GSE1: variants seen among roughly 807,000 people sequenced by gnomAD.
GSE1 encodes the protein Gse1 coiled-coil protein.
Under a neutral mutation model 112.6 loss-of-function variants are expected in GSE1, and 32 were observed. The observed-to-expected ratio is 0.28, with a 90% CI of 0.21 to 0.38. The LOEUF is 0.38. GSE1 is among the 10% of genes least tolerant of loss of function. The pLI is 1.00. For missense variants in GSE1, 2,348 were observed against 1,699.2 expected, an observed-to-expected ratio of 1.38 and a Z score of -6.71; for synonymous variants, 1,115 against 735.6, an observed-to-expected ratio of 1.52 and a Z score of -8.35.
At chr16:85,357,076 G>T (rs1299336028) in intron 1 of GSE1, among the ~76,000 whole-genome samples, 1 of 152,222 alleles carries the variant, frequency 6.6e-6, no homozygotes, top group Non-Finnish European at 1.5e-5. Context: ...ACCGCCAGGG[G>T]ACAGGACAAG....
chr16:85,589,592 T>C (rs896980997), intron 1 of GSE1, among the ~76,000 whole-genome samples: 1 of 152,192 alleles, frequency 6.6e-6, no homozygotes, highest in Non-Finnish European at 1.5e-5. Context: ...TGCCTGAGCA[T>C]GTGTGACCCA....
chr16:85,253,052 G>C (rs1597196425), intron 1 of GSE1, among the ~76,000 whole-genome samples: 13 of 52,400 alleles, frequency 2.5e-4, no homozygotes, highest in South Asian at 9.2e-4. Context: ...GCTCATAGGC[G>C]CCCCCGCCCC....
At chr16:85,640,451 TGTGCCGC>T (rs2050348665) in intron 2 of GSE1, among the ~76,000 whole-genome samples, 1 of 152,218 alleles carries the variant, frequency 6.6e-6, no homozygotes, top group Admixed American at 6.5e-5. Context: ...CGCGGGGCCC[TGTGCCGC>T]CTTCCCCTGG....
intron 2 of GSE1, among the ~76,000 whole-genome samples, chr16:85,645,161 C>G (rs2050750306): frequency 6.6e-6 from 1 of 151,672 alleles, no homozygotes; most frequent in Non-Finnish European, 1.5e-5. Flanking sequence ...TGGTGGAGTT[C>G]TCAGGGTGTG....
At position 85,404,303 on chromosome 16, in the gene GSE1, C is replaced by T. The variant is rs1461090741; in HGVS notation, c.2464+46660C>T. On this transcript the variant is annotated intron_variant, in intron 2 of 2. Coordinates refer to the GSE1 transcript ENST00000637419. ...TTCTCACTGTTACACTCAGGCCCCC[C>T]GGATAATCCTCACTCTTACACTCAG... 4.2e-5 allele frequency among the ~76,000 whole-genome samples: 3 copies of T among 71,402 alleles called. 1 individual carries two copies. The highest frequency in any genetic ancestry group is 8.6e-5 in the Non-Finnish European group (3 of 35,016). 46.8% of individuals were successfully genotyped at this position (71,402 alleles called of 152,430 possible).
At chr16:85,610,582 G>A (rs986926846), upstream of GSE1, among the ~76,000 whole-genome samples, 2 of 152,238 alleles carry the variant, frequency 1.3e-5, no homozygotes, top group East Asian at 1.9e-4. Context: ...TCCGGGGGCC[G>A]GGCGCACTGA....
chr16:85,366,043 CT>C (rs1325457989), intron 2 of GSE1, among the ~76,000 whole-genome samples: 1 of 152,258 alleles, frequency 6.6e-6, no homozygotes, highest in African/African-American at 2.4e-5. Context: ...ACCAGAAACC[CT>C]GGCCCTGGGA....
At chr16:85,339,364 G>C (rs887560100) in intron 1 of GSE1, among the ~76,000 whole-genome samples, 1 of 152,246 alleles carries the variant, frequency 6.6e-6, no homozygotes, top group Non-Finnish European at 1.5e-5. Flanking sequence ...CGCTCCAGCC[G>C]TGATTTCTCC....
chr16:85,284,908 A>G (rs2044972713), intron 1 of GSE1: 1 of 152,254 alleles, frequency 6.6e-6, no homozygotes, highest in Non-Finnish European at 1.5e-5. Context: ...ATCACAGACC[A>G]GAATTTGAAC....
intron 1 of GSE1, among the ~76,000 whole-genome samples, chr16:85,236,048 G>GGCTGGGGCTGGGGCTGGT (rs1308704768): frequency 5.9e-5 from 9 of 152,028 alleles, no homozygotes; most frequent in African/African-American, 2.2e-4. Context: ...CTGGGGCTGG[G>GGCTGGGGCTGGGGCTGGT]GCTGGTGCCG....
chr16:85,485,939 C>A (rs61328601), intron 2 of GSE1, among the ~76,000 whole-genome samples: 1 of 152,216 alleles, frequency 6.6e-6, no homozygotes, highest in Admixed American at 6.5e-5. Context: ...GGCCCTGAGG[C>A]CATGAGCCTG....
intron 2 of GSE1, among the ~76,000 whole-genome samples, chr16:85,495,289 G>C (rs1011676604): frequency 3.3e-5 from 5 of 152,040 alleles, no homozygotes; most frequent in African/African-American, 1.2e-4. Context: ...GTGTGGGGGC[G>C]AGGAGGGAGC....
At chr16:85,563,078 AG>A (rs1181951425) in intron 1 of GSE1, among the ~76,000 whole-genome samples, 1 of 152,220 alleles carries the variant, frequency 6.6e-6, no homozygotes, top group Non-Finnish European at 1.5e-5. Context: ...CTGCAGGATC[AG>A]CAGAAATTTT....
Position 85,638,021 on chromosome 16 carries a change from C to T in GSE1, c.226+3889C>T, listed in dbSNP as rs536956900. On this transcript the variant is annotated intron_variant, in intron 2 of 15. Coordinates refer to ENST00000253458, the MANE Select transcript of GSE1 (RefSeq NM_014615.5). ...CCAGGGAACAGCAGAGGCTGTGCTG[C>T]CCCACGCGGCCCCTCCTCTGGGTGC... 1.9e-4 allele frequency among the ~76,000 whole-genome samples: 29 copies of T among 152,290 alleles called. 1 individual carries two copies. In the South Asian group the frequency reaches 5.2e-3, roughly 27 times the overall value.
chr16:85,322,113 G>A (rs911952504), intron 1 of GSE1, among the ~76,000 whole-genome samples: 1 of 152,244 alleles, frequency 6.6e-6, no homozygotes, highest in African/African-American at 2.4e-5. Context: ...AGAAGAGCTG[G>A]GACTGGGTGG....
chr16:85,560,278 G>A (rs370379267), intron 1 of GSE1, among the ~76,000 whole-genome samples: 201 of 152,000 alleles, frequency 1.3e-3, no homozygotes, highest in Middle Eastern at 6.8e-3. Flanking sequence ...TGGGACTACG[G>A]GAGTGCGCCA....
intron 1 of GSE1, among the ~76,000 whole-genome samples, chr16:85,336,282 C>G (rs929552890): frequency 6.6e-6 from 1 of 152,192 alleles, no homozygotes; most frequent in African/African-American, 2.4e-5. Flanking sequence ...TTTGTTCGTT[C>G]CCTTGATTAT....
In GSE1 at chr16:85,661,367, C is replaced by T. The variant is rs371577202; in HGVS notation, c.1862C>T (p.Pro621Leu). The change falls in exon 9 of 16, where the codon CCG becomes CTG. Residue 621 changes from proline to leucine, a missense_variant. Physicochemically the swap from Pro to Leu is moderately conservative, Grantham distance 98 (BLOSUM62 -3). Transcript: ENST00000253458. ...GAGCCCAGCCGCCAGGCAGCCGTGC[C>T]GCTGGTGAAGGTGGAGCGGGTCTTC... ...AFEPSRQAAV[P>L]LVKVERVFCP... is the part of the protein sequence containing the mutation. 3.5e-5 allele frequency: 57 copies of T among 1,612,130 alleles called. No individual in the cohort carries two copies. Among genetic ancestry groups the T allele is most frequent in the Non-Finnish European group, 4.5e-5 (53 of 1,179,660 alleles).
At chr16:85,431,480 G>A (rs1252301104) in intron 2 of GSE1, among the ~76,000 whole-genome samples, 1 of 152,226 alleles carries the variant, frequency 6.6e-6, no homozygotes, top group Non-Finnish European at 1.5e-5. Context: ...CCCCTACCGT[G>A]TTTGCAGGCC....
Sources: gnomAD v4.1 joint callset for allele counts (sites outside exome capture counted in the v4.1 genomes callset) on GRCh38, gnomAD v4.1.1 for gene constraint, MANE v1.5 for transcripts, NCBI Gene and HGNC (gene_info 2026-07-23, HGNC 2026-07-21) for gene names.